The following PAK5 variants were observed in gnomAD, a reference collection of about 807,000 sequenced individuals.
The protein encoded by PAK5 is serine/threonine-protein kinase PAK 5.
A neutral mutation model predicts 65.9 loss-of-function variants in PAK5; 16 were observed. That is an observed-to-expected ratio of 0.24 (90% CI 0.16 to 0.37). The LOEUF (loss-of-function observed/expected upper bound fraction) is 0.37, where lower values mean the gene tolerates loss of function less well. PAK5 is among the 10% of genes least tolerant of loss of function. PAK5 has a pLI of 1.00. For missense variants in PAK5, 785 were observed against 903.9 expected, an observed-to-expected ratio of 0.87 and a Z score of 1.69; for synonymous variants, 371 against 354.9, an observed-to-expected ratio of 1.05 and a Z score of -0.51.
At chr20:9,760,712 C>T in intron 1 of PAK5, among the ~76,000 whole-genome samples, 1 of 130,690 alleles carries the variant, frequency 7.7e-6, no homozygotes, top group Admixed American at 8.5e-5. Context: ...TACTTTGTCA[C>T]TCAGGCTGGA....
chr20:9,599,933 T>C (rs1484850889), intron 3 of PAK5, among the ~76,000 whole-genome samples: 2 of 152,224 alleles, frequency 1.3e-5, no homozygotes, highest in African/African-American at 2.4e-5. Context: ...CTAAATCCAA[T>C]GTCATGAAGC....
intron 2 of PAK5, among the ~76,000 whole-genome samples, chr20:9,710,365 C>G (rs1004414204): frequency 6.6e-6 from 1 of 152,166 alleles, no homozygotes; most frequent in African/African-American, 2.4e-5. Context: ...AAGCAGGCCA[C>G]AGACATATTA....
At chr20:9,721,395 T>G (rs1161285595) in intron 1 of PAK5, among the ~76,000 whole-genome samples, 1 of 151,876 alleles carries the variant, frequency 6.6e-6, no homozygotes, top group Non-Finnish European at 1.5e-5. Context: ...CGCCTGTAAT[T>G]TCAGCACTTT....
chr20:9,746,444 T>C (rs915924069), intron 1 of PAK5, among the ~76,000 whole-genome samples: 1 of 151,998 alleles, frequency 6.6e-6, no homozygotes, highest in Non-Finnish European at 1.5e-5. Context: ...TACTACAATA[T>C]ATACAACATA....
At chr20:9,543,654 G>A (rs898046088) in intron 8 of PAK5, among the ~76,000 whole-genome samples, 14 of 152,098 alleles carry the variant, frequency 9.2e-5, no homozygotes, top group African/African-American at 3.4e-4. Context: ...ACCATAAAGT[G>A]TGGAAACACT....
chr20:9,726,311 G>T (rs1020404020), intron 1 of PAK5, among the ~76,000 whole-genome samples: 3 of 152,084 alleles, frequency 2.0e-5, no homozygotes, highest in African/African-American at 7.2e-5. Flanking sequence ...TCTTGAATAT[G>T]ATTGCTCAGA....
chr20:9,555,573 C>T (rs961342577), intron 7 of PAK5, among the ~76,000 whole-genome samples: 8 of 152,136 alleles, frequency 5.3e-5, no homozygotes, highest in Non-Finnish European at 1.0e-4. Flanking sequence ...AGGTGCTTTC[C>T]GGAGTCAGGC....
At chr20:9,595,901 T>A (rs941045821) in intron 3 of PAK5, among the ~76,000 whole-genome samples, 2 of 151,508 alleles carry the variant, frequency 1.3e-5, no homozygotes, top group Non-Finnish European at 2.9e-5. Flanking sequence ...CCCAGAGGCT[T>A]GAAAAAAATC....
chr20:9,586,528 C>A (rs2046073518), intron 3 of PAK5, among the ~76,000 whole-genome samples: 1 of 152,028 alleles, frequency 6.6e-6, no homozygotes, highest in Non-Finnish European at 1.5e-5. Flanking sequence ...GTGTCTAGGC[C>A]TATACTACCT....
intron 3 of PAK5, among the ~76,000 whole-genome samples, chr20:9,626,843 C>T (rs113232264): frequency 2.4e-3 from 365 of 151,994 alleles, no homozygotes; most frequent in African/African-American, 8.0e-3. Context: ...TTGGTAACCC[C>T]TGAAATTTGG....
At chr20:9,709,082 A>G (rs1334146645) in intron 2 of PAK5, among the ~76,000 whole-genome samples, 4 of 152,192 alleles carry the variant, frequency 2.6e-5, no homozygotes, top group Non-Finnish European at 5.9e-5. Context: ...TTGTTGCTTC[A>G]GAATCCCATC....
intron 2 of PAK5, among the ~76,000 whole-genome samples, chr20:9,647,592 A>G (rs955268835): frequency 6.6e-6 from 1 of 152,226 alleles, no homozygotes; most frequent in African/African-American, 2.4e-5. Context: ...GAAGATATCA[A>G]TGAACTAATA....
intron 8 of PAK5, among the ~76,000 whole-genome samples, 178 bp downstream of exon 8, chr20:9,544,191 G>A (rs2045308627): frequency 6.6e-6 from 1 of 152,158 alleles, no homozygotes. Flanking sequence ...TGCCCCAGGG[G>A]TGGCCAGGCT....
At chr20:9,693,214 G>C (rs1028257675) in intron 2 of PAK5, among the ~76,000 whole-genome samples, 2 of 152,190 alleles carry the variant, frequency 1.3e-5, no homozygotes, top group East Asian at 1.9e-4. Context: ...TTTCAGAAAG[G>C]GGATAAAAGT....
rs543859457 is a variant in PAK5, at chr20:9,753,339, T to A, written c.-161-41904A>T. On this transcript the variant is annotated intron_variant, in intron 1 of 9. Coordinates refer to ENST00000353224, the MANE Select transcript of PAK5 (RefSeq NM_177990.4). ...TTTGCATTTGTTTTTTTGATTAAGA[T>A]TTATTATCATCAAAAAAGGCCATGC... 2.0e-5 allele frequency among the ~76,000 whole-genome samples: 3 copies of A among 152,272 alleles called. No homozygotes were observed. The East Asian group carries it at 5.8e-4, about 29-fold the overall frequency.
intron 1 of PAK5, among the ~76,000 whole-genome samples, chr20:9,733,920 C>T (rs2048361132): frequency 6.6e-6 from 1 of 152,146 alleles, no homozygotes; most frequent in South Asian, 2.1e-4. Flanking sequence ...AAAATAAAGT[C>T]CAAACACAAT....
intron 2 of PAK5, among the ~76,000 whole-genome samples, chr20:9,664,864 C>T (rs2047392361): frequency 6.6e-6 from 1 of 151,972 alleles, no homozygotes. Flanking sequence ...AATTATTTTA[C>T]TAAAAAAAAG....
intron 3 of PAK5, among the ~76,000 whole-genome samples, chr20:9,628,128 AT>A (rs1323914603): frequency 1.3e-5 from 2 of 152,292 alleles, no homozygotes; most frequent in Non-Finnish European, 2.9e-5. Flanking sequence ...ACATGTGACC[AT>A]TTGGTTTGAT....
At chr20:9,830,708 C>T (rs953788299) in intron 1 of PAK5, among the ~76,000 whole-genome samples, 2 of 152,194 alleles carry the variant, frequency 1.3e-5, no homozygotes, top group African/African-American at 4.8e-5. Flanking sequence ...ACACTCTTCC[C>T]AACATGTCAC....
Sources: allele counts gnomAD v4.1 joint callset (sites outside exome capture counted in the v4.1 genomes callset), GRCh38; gene constraint gnomAD v4.1.1; transcripts MANE v1.5; gene names NCBI Gene and HGNC (gene_info 2026-07-23, HGNC 2026-07-21).